Variants in DUS3L observed in about 807,000 individuals in gnomAD.
The protein encoded by DUS3L is dihydrouridine synthase 3 like, also known as tRNA-dihydrouridine(47) synthase [NAD(P)(+)]-like.
Under a neutral mutation model 74.6 loss-of-function variants are expected in DUS3L, and 62 were observed. That is an observed-to-expected ratio of 0.83 (90% CI 0.68 to 1.03). DUS3L has a LOEUF of 1.03. Ranked by LOEUF, DUS3L falls within the 50% of genes least tolerant of loss-of-function variation. The probability of loss-of-function intolerance (pLI) is 0.00; values close to 1 mark genes in which losing one functional copy is unlikely to be tolerated. For synonymous variants in DUS3L, 433 were observed against 395.7 expected (o/e 1.09, Z -1.12); for missense variants, 884 against 924.4 (o/e 0.96, Z 0.57).
intron 9 of DUS3L, 22 bp downstream of exon 9, chr19:5,786,727 G>A: frequency 1.2e-6 from 2 of 1,608,062 alleles, no homozygotes; most frequent in Admixed American, 1.7e-5. Context: ...GGGAGAGGGA[G>A]GTGGCTTCCC....
In DUS3L at chr19:5,790,333, T is replaced by C. The variant is rs780880047; in HGVS notation, c.101A>G (p.Tyr34Cys). ...GTGAAACTGCTCCTTGGTGGTGAGG[T>C]ATCTGCCGACAGAAAGGGAAAGGAA... Reference protein sequence around the residue: ...ERGVAPIKRQYLTTKEQFHQF... With the variant: ...ERGVAPIKRQCLTTKEQFHQF... The change falls in exon 2 of 13, where the codon TAC (tyrosine) becomes TGC (cysteine). Residue 34 changes from tyrosine to cysteine, a missense_variant and splice_region_variant. By Grantham distance (194) the Tyr-to-Cys change is radical (BLOSUM62 -2). Coordinates refer to ENST00000309061, the MANE Select transcript of DUS3L (RefSeq NM_020175.3). 1 of 1,613,862 alleles carries C rather than the reference T, an allele frequency of 6.2e-7. No individual in the cohort carries two copies. Among genetic ancestry groups the C allele is most frequent in the South Asian group, 1.1e-5 (1 of 91,090 alleles).
chr19:5,787,472 G>A lies in DUS3L; in HGVS notation c.1213-111C>T, dbSNP rs1032648298. 49 of 1,504,524 alleles carry A rather than the reference G, an allele frequency of 3.3e-5. 3 individuals carry two copies. In the African/African-American group the frequency reaches 5.6e-4, roughly 17 times the overall value. 93.2% of individuals were successfully genotyped at this position (1,504,524 alleles called of 1,614,324 possible). A position where few individuals can be genotyped will look rare whatever the true frequency, so the allele number is the denominator to read the frequency against. ...GAGACGCCGACCTGCAGGAAAGGCAGGGACTCCAGGGCCACACTTGAGCCC... is the reference window on the plus strand; with the variant it reads ...GAGACGCCGACCTGCAGGAAAGGCAAGGACTCCAGGGCCACACTTGAGCCC... On this transcript the variant is annotated intron_variant, in intron 6 of 12. Transcript: ENST00000309061.
chr19:5,790,667 T>C (rs1217287542), intron 1 of DUS3L, among the ~76,000 whole-genome samples: 1 of 152,116 alleles, frequency 6.6e-6, no homozygotes, highest in Non-Finnish European at 1.5e-5. Flanking sequence ...CTTTCGGCCC[T>C]TCAAACACCG....
In DUS3L at chr19:5,789,695, C is replaced by G; in HGVS notation, c.412G>C (p.Gly138Arg). The change falls in exon 3 of 13, where the codon GGT becomes CGT. Residue 138 changes from glycine to arginine, a missense_variant. Coordinates refer to ENST00000309061, the MANE Select transcript of DUS3L (RefSeq NM_020175.3). ...IQESAAKCFF[G>R]DRCRFLHDVG... ...TCGTGCAGAAAGCGGCAGCGATCAC[C>G]GAAGAAACACTTAGCAGCCGACTCC... 1 of 1,608,040 alleles carries G rather than the reference C, an allele frequency of 6.2e-7. No individual in the cohort carries two copies. Among genetic ancestry groups the G allele is most frequent in the Non-Finnish European group, 8.5e-7 (1 of 1,178,156 alleles).
chr19:5,788,254 G>A (rs1018325237), intron 4 of DUS3L, 78 bp from the exon 5 acceptor site: 10 of 1,607,968 alleles, frequency 6.2e-6, no homozygotes, highest in African/African-American at 4.0e-5. Context: ...CTGAATATGC[G>A]CCCCAGCCCC....
At chr19:5,786,037 C>T (rs559097559) in intron 10 of DUS3L, 12 of 517,958 alleles carry the variant, frequency 2.3e-5, no homozygotes, top group African/African-American at 1.2e-4. Flanking sequence ...GTTCAACCTC[C>T]GTCTCCCAGG....
At position 5,787,103 on chromosome 19, in the gene DUS3L, G is replaced by T; in HGVS notation, c.1347C>A (p.Arg449=). 2.0e-6 allele frequency: 2 copies of T among 1,009,010 alleles called. No individual in the cohort carries two copies. The allele number at this position is 1,009,010 out of a possible 1,614,324, so 62.5% of individuals were successfully genotyped here. A position where few individuals can be genotyped will look rare whatever the true frequency, so the allele number is the denominator to read the frequency against. The change falls in exon 8 of 13, where the codon CGC becomes CGA. Residue 449 remains arginine, a synonymous_variant. Coordinates refer to ENST00000309061, the MANE Select transcript of DUS3L (RefSeq NM_020175.3). ...CCCAGTCCCGCAGCTCGGGCAGCAG[G>T]CGGTGCGCCAGGTTCACACGCTCCT... The part of the protein sequence containing the change: ...GVQERVNLAH[R]LLPELRDWGV...
chr19:5,790,800 G>A (rs1316964161), intron 1 of DUS3L: 4 of 593,546 alleles, frequency 6.7e-6, no homozygotes, highest in Non-Finnish European at 1.2e-5. Context: ...TGCAGCGCGG[G>A]CCTGGCCTCA....
At position 5,789,540 on chromosome 19, in the gene DUS3L, C is replaced by G; in HGVS notation, c.567G>C (p.Gln189His). The change falls in exon 3 of 13, where the codon CAG becomes CAC. Residue 189 changes from glutamine (Q) to histidine (H), a missense_variant. By Grantham distance (24) the Gln-to-His change is conservative. Transcript: ENST00000309061. ...CCGCCAACTCCTCCTGCACCAGGTT[C>G]TGTCCCTCGGGCCTCAGGTGGGCCC... ...FAGAHLRPEG[Q>H]NLVQEELAAR... The G allele has an allele frequency of 6.2e-7, 1 of 1,602,862 alleles. No individual in the cohort carries two copies. Among genetic ancestry groups the G allele is most frequent in the Non-Finnish European group, 8.5e-7 (1 of 1,176,550 alleles).
At chr19:5,790,992 C>T (rs2056904884) in intron 1 of DUS3L, 52 bp downstream of exon 1, 1 of 1,528,256 alleles carries the variant, frequency 6.5e-7, no homozygotes, top group African/African-American at 1.4e-5. Flanking sequence ...TCGGACCGCG[C>T]TATGGGTGCC....
chr19:5,788,997 G>A (rs1410457963), intron 3 of DUS3L: 12 of 616,398 alleles, frequency 1.9e-5, no homozygotes, highest in East Asian at 6.8e-5. Context: ...GTGAGCCACC[G>A]CCCCCGGCCC....
At chr19:5,787,762 C>T in intron 5 of DUS3L, 57 bp from the exon 6 acceptor site, 1 of 1,581,132 alleles carries the variant, frequency 6.3e-7, no homozygotes. Flanking sequence ...ACTGTCCCCA[C>T]TTGGCCGTTC....
rs2056829475 is a variant in DUS3L, at chr19:5,785,261, C to T, written c.1895G>A (p.Gly632Glu). Reference protein sequence around the residue: ...DWIRISEMLLGPVPPSFAFLP... With the variant: ...DWIRISEMLLEPVPPSFAFLP... ...GAAGGCGAAGCTGGGGGGCACTGGC[C>T]CAAGGAGCATCTCGCTGTGGGAGAG... Residue 632 changes from glycine to glutamate, a missense_variant, in exon 13 of 13, where the codon GGG (glycine) becomes GAG (glutamate). Gly to Glu is a moderately conservative substitution (Grantham distance 98). Coordinates refer to ENST00000309061, the MANE Select transcript of DUS3L (RefSeq NM_020175.3). The T allele has an allele frequency of 6.2e-7, 1 of 1,611,060 alleles. No individual in the cohort carries two copies. The highest frequency in any genetic ancestry group is 8.5e-7 in the Non-Finnish European group (1 of 1,179,328).
At position 5,787,137 on chromosome 19, in the gene DUS3L, G is replaced by C. The variant is rs1005494101; in HGVS notation, c.1313C>G (p.Thr438Arg). The change falls in exon 8 of 13, where the codon ACA (threonine) becomes AGA (arginine). Residue 438 changes from threonine to arginine, a missense_variant. Thr to Arg is a moderately conservative substitution (Grantham distance 71). Transcript: ENST00000309061. ...LDVPLTVKIR[T>R]GVQERVNLAH... Reference sequence around the variant, plus strand: ...CAGGTTCACACGCTCCTGGACGCCTGTGCGGATCTTCACAGTCAGCGGCAC... The same window carrying C: ...CAGGTTCACACGCTCCTGGACGCCTCTGCGGATCTTCACAGTCAGCGGCAC... The C allele has an allele frequency of 3.9e-5, 39 of 990,286 alleles. No homozygotes were observed. Among genetic ancestry groups the C allele is most frequent in the Non-Finnish European group, 4.5e-5 (38 of 838,844 alleles). The allele number at this position is 990,286 out of a possible 1,614,324, so 61.3% of individuals were successfully genotyped here.
chr19:5,787,283 T>G lies in DUS3L; in HGVS notation c.1278+13A>C. ...TTGTTTGGGAGCCAGTGCGAGGATG[T>G]GGCTGGCCGTACCTGGTTCATGCCA... is the stretch of plus-strand genomic sequence containing the variant. On this transcript the variant is annotated intron_variant, in intron 7 of 12. Coordinates refer to ENST00000309061, the MANE Select transcript of DUS3L (RefSeq NM_020175.3). 1 of 1,021,328 alleles carries G rather than the reference T, an allele frequency of 9.8e-7. No individual in the cohort carries two copies. Among genetic ancestry groups the G allele is most frequent in the South Asian group, 2.1e-5 (1 of 46,566 alleles). The allele number at this position is 1,021,328 out of a possible 1,614,324, so 63.3% of individuals were successfully genotyped here.
Position 5,788,172 on chromosome 19 carries a change from C to T in DUS3L, c.947G>A (p.Gly316Glu). Reference protein sequence around the residue: ...KLYLAPLTTCGNLPFRRICKR... With the variant: ...KLYLAPLTTCENLPFRRICKR... ...GCAGATCCGTCGGAAGGGCAGGTTC[C>T]CACACTGCGGGGGGAGCAGGACAGA... The change falls in exon 5 of 13, where the codon GGG (glycine) becomes GAG (glutamate). Residue 316 changes from glycine (G) to glutamate (E), a missense_variant. Coordinates refer to ENST00000309061, the MANE Select transcript of DUS3L (RefSeq NM_020175.3). The T allele has an allele frequency of 3.1e-6, 5 of 1,613,452 alleles. No homozygotes were observed. Among genetic ancestry groups the T allele is most frequent in the Non-Finnish European group, 4.2e-6 (5 of 1,180,028 alleles).
In DUS3L at chr19:5,787,302, C is replaced by T. The variant is rs1468534367; in HGVS notation, c.1272G>A (p.Met424Ile). The change falls in exon 7 of 13, where the codon ATG becomes ATA. Residue 424 changes from methionine (M) to isoleucine (I), a missense_variant. Coordinates refer to ENST00000309061, the MANE Select transcript of DUS3L (RefSeq NM_020175.3). Reference sequence around the variant, plus strand: ...AGGATGTGGCTGGCCGTACCTGGTTCATGCCACGGACGATCTGCTGGAACT... The same window carrying T: ...AGGATGTGGCTGGCCGTACCTGGTTTATGCCACGGACGATCTGCTGGAACT... ...STKFQQIVRGMNQVLDVPLTV... is the reference protein window; with the variant it reads ...STKFQQIVRGINQVLDVPLTV... 1 of 1,080,256 alleles carries T rather than the reference C, an allele frequency of 9.3e-7. No individual in the cohort carries two copies. The highest frequency in any genetic ancestry group is 8.0e-5 in the East Asian group (1 of 12,542). 66.9% of individuals were successfully genotyped at this position (1,080,256 alleles called of 1,614,324 possible). A position where few individuals can be genotyped will look rare whatever the true frequency, so the allele number is the denominator to read the frequency against.
At chr19:5,786,019 G>A (rs928961359) in intron 10 of DUS3L, 14 of 546,930 alleles carry the variant, frequency 2.6e-5, no homozygotes, top group Non-Finnish European at 4.1e-5. Context: ...GTAAGATCTC[G>A]GCTCACTGTT....
In DUS3L at chr19:5,785,377, A is replaced by T. The variant is rs2056830880; in HGVS notation, c.1880+6T>A. On this transcript the variant is annotated splice_donor_region_variant and intron_variant, in intron 12 of 12. Transcript: ENST00000309061. ...GCAGCTCCCCAACTCCAGCCCACCCAGGCACCTGATGCGGATCCAGTCGGC... is the reference window on the plus strand; with the variant it reads ...GCAGCTCCCCAACTCCAGCCCACCCTGGCACCTGATGCGGATCCAGTCGGC... The T allele has an allele frequency of 3.7e-6, 6 of 1,601,366 alleles. No homozygotes were observed. Among genetic ancestry groups the T allele is most frequent in the Non-Finnish European group, 5.1e-6 (6 of 1,173,228 alleles).
Sources: allele counts gnomAD v4.1 joint callset (sites outside exome capture counted in the v4.1 genomes callset), GRCh38; gene constraint gnomAD v4.1.1; transcripts MANE v1.5; gene names NCBI Gene and HGNC (gene_info 2026-07-23, HGNC 2026-07-21).